The following MID2 variants were observed in gnomAD, a reference collection of about 807,000 sequenced individuals.
The protein encoded by MID2 is midline 2, also known as probable E3 ubiquitin-protein ligase MID2.
In MID2, 13 loss-of-function variants were observed where a neutral mutation model predicts 46.1. The ratio of observed to expected loss-of-function variants is 0.28; its 90% CI spans 0.18 to 0.45. The LOEUF (loss-of-function observed/expected upper bound fraction) is 0.45, where lower values mean the gene tolerates loss of function less well. Ranked by LOEUF, MID2 falls within the 20% of genes least tolerant of loss-of-function variation. The probability of loss-of-function intolerance (pLI) is 1.00; values close to 1 mark genes in which losing one functional copy is unlikely to be tolerated. For synonymous variants in MID2, 199 were observed against 212.3 expected (o/e 0.94, Z 0.55); for missense variants, 431 against 575.4 (o/e 0.75, Z 2.57).
Position 107,931,397 on chromosome X carries a change from T to C in MID2, c.*4324T>C, listed in dbSNP as rs1933280076. On this transcript the variant is annotated 3_prime_UTR_variant, in exon 10 of 10. Coordinates refer to ENST00000262843, the MANE Select transcript of MID2 (RefSeq NM_012216.4). ...GCCTTTTATGGTGTAGTCTGCCAGCTTCAGACATATGCTGTATTGTTGTTA... is the reference window on the plus strand; with the variant it reads ...GCCTTTTATGGTGTAGTCTGCCAGCCTCAGACATATGCTGTATTGTTGTTA... Among the ~76,000 whole-genome samples, 1 of 112,011 alleles carries C rather than the reference T, an allele frequency of 8.9e-6. No individual in the cohort carries two copies. Among genetic ancestry groups the C allele is most frequent in the Non-Finnish European group, 1.9e-5 (1 of 53,243 alleles).
At position 107,840,708 on chromosome X, in the gene MID2, G is replaced by A. The variant is rs752031166; in HGVS notation, c.43G>A (p.Gly15Arg). Residue 15 changes from glycine (G) to arginine (R), a missense_variant, in exon 2 of 10, where the codon GGA becomes AGA. Transcript: ENST00000262843. ...PASVVLNASG[G>R]LFSLKMETLE... ...CTCCGTGGTTCTTAATGCCTCAGGA[G>A]GACTATTTTCACTAAAGATGGAAAC... 2 of 1,211,329 alleles carry A rather than the reference G, an allele frequency of 1.7e-6. No homozygotes were observed. The highest frequency in any genetic ancestry group is 1.1e-6 in the Non-Finnish European group (1 of 895,215).
intron 3 of MID2, among the ~76,000 whole-genome samples, chrX:107,868,106 T>C (rs896121736): frequency 2.7e-5 from 3 of 111,770 alleles, no homozygotes; most frequent in African/African-American, 9.8e-5. Context: ...TTAAAATGGG[T>C]GAATTTTGTG....
In MID2 at chrX:107,924,389, A is replaced by AC; in HGVS notation, c.1483dup (p.Gln495ProfsTer20). On this transcript the variant is annotated frameshift_variant, in exon 8 of 10. Coordinates refer to ENST00000262843, the MANE Select transcript of MID2 (RefSeq NM_012216.4). LOFTEE classifies it high-confidence loss of function. Reference sequence around the variant, plus strand: ...GCTGGATGATTGTTCCCAACATTAAACAGAACCATTACACAGTGCATGGAC... The same window carrying AC: ...GCTGGATGATTGTTCCCAACATTAAACCAGAACCATTACACAGTGCATGGAC... 8.3e-7 allele frequency: 1 copy of AC among 1,210,304 alleles called. No homozygotes were observed. The highest frequency in any genetic ancestry group is 1.1e-6 in the Non-Finnish European group (1 of 894,172).
chrX:107,914,836 T>A (rs753260170), intron 5 of MID2, among the ~76,000 whole-genome samples: 2 of 112,593 alleles, frequency 1.8e-5, no homozygotes, highest in Middle Eastern at 4.6e-3. Context: ...TGGTTAAGGT[T>A]ATAGAATTTA....
intron 1 of MID2, among the ~76,000 whole-genome samples, chrX:107,836,997 AC>A (rs1460699146): frequency 1.8e-5 from 2 of 111,321 alleles, no homozygotes; most frequent in African/African-American, 6.5e-5. Context: ...GCTATGGGCA[AC>A]CCTTTCCCCA....
intron 5 of MID2, among the ~76,000 whole-genome samples, chrX:107,914,759 C>T (rs1237296702): frequency 1.8e-5 from 2 of 112,209 alleles, no homozygotes; most frequent in East Asian, 2.8e-4. Flanking sequence ...TGATGTGTAG[C>T]GATGGCTAAA....
At chrX:107,925,700 A>G (rs1388489849) in intron 8 of MID2, among the ~76,000 whole-genome samples, 2 of 111,570 alleles carry the variant, frequency 1.8e-5, no homozygotes, top group Non-Finnish European at 3.8e-5. Context: ...AATTAAGCAA[A>G]GTACAAAACA....
intron 3 of MID2, among the ~76,000 whole-genome samples, chrX:107,854,913 T>TG (rs1355532028): frequency 9.0e-6 from 1 of 111,315 alleles, no homozygotes; most frequent in Non-Finnish European, 1.9e-5. Context: ...TGATGGACAG[T>TG]GGGGGGATAA....
intron 3 of MID2, among the ~76,000 whole-genome samples, chrX:107,865,525 G>C (rs768761208): frequency 9.0e-6 from 1 of 111,560 alleles, no homozygotes; most frequent in South Asian, 3.8e-4. Flanking sequence ...GTTTAAACTG[G>C]GTCATGAGGA....
chrX:107,838,983 C>T (rs1285823041), intron 1 of MID2, among the ~76,000 whole-genome samples: 3 of 110,644 alleles, frequency 2.7e-5, no homozygotes, highest in Non-Finnish European at 5.7e-5. Context: ...TGGTGGCATA[C>T]CCCTGGAGTT....
intron 3 of MID2, among the ~76,000 whole-genome samples, chrX:107,879,038 G>C (rs1203369390): frequency 9.0e-6 from 1 of 111,050 alleles, no homozygotes; most frequent in Non-Finnish European, 1.9e-5. Context: ...GCAGGTGCAG[G>C]AACCAGGGCG....
intron 3 of MID2, among the ~76,000 whole-genome samples, chrX:107,858,683 C>T (rs2147836320): frequency 8.9e-6 from 1 of 112,521 alleles, no homozygotes; most frequent in East Asian, 2.8e-4. Flanking sequence ...GAGCAGCATG[C>T]AGTGCAGAAA....
intron 1 of MID2, among the ~76,000 whole-genome samples, chrX:107,833,547 T>C (rs1265356537): frequency 1.8e-5 from 2 of 109,588 alleles, no homozygotes; most frequent in Non-Finnish European, 3.8e-5. Flanking sequence ...AGGAAGGTAG[T>C]GGGAGCTCAG....
At chrX:107,915,113 A>G (rs191314200) in intron 5 of MID2, among the ~76,000 whole-genome samples, 1 of 112,323 alleles carries the variant, frequency 8.9e-6, no homozygotes, top group East Asian at 2.8e-4. Context: ...TTTTTTCACT[A>G]TGTGTCAAAT....
chrX:107,896,740 A>T (rs748096716), intron 3 of MID2, among the ~76,000 whole-genome samples: 34 of 111,585 alleles, frequency 3.0e-4, no homozygotes, highest in Non-Finnish European at 6.2e-4. Flanking sequence ...AACTCTAGAG[A>T]TTGTGATTGT....
At chrX:107,836,879 A>G (rs759035195) in intron 1 of MID2, among the ~76,000 whole-genome samples, 4 of 112,192 alleles carry the variant, frequency 3.6e-5, no homozygotes, top group Non-Finnish European at 7.5e-5. Context: ...AGAGGCAGTA[A>G]CTATCTTAAA....
chrX:107,901,204 T>G (rs1480450234), intron 3 of MID2: 3 of 111,667 alleles, frequency 2.7e-5, no homozygotes, highest in Non-Finnish European at 5.7e-5. Flanking sequence ...CTGTAACTAT[T>G]TGCGATCAGT....
At position 107,833,425 on chromosome X, in the gene MID2, A is replaced by T. The variant is rs762565047; in HGVS notation, c.4+6995A>T. On this transcript the variant is annotated intron_variant, in intron 1 of 9. Transcript: ENST00000262843. ...GAATGTTTATTTTATATATATATAT[A>T]TATATTTTTTTTAAAAACCTACAGC... 9.3e-3 allele frequency among the ~76,000 whole-genome samples: 950 copies of T among 102,047 alleles called. 6 individuals are homozygous for T. The highest frequency in any genetic ancestry group is 0.025 in the Middle Eastern group (5 of 203). The allele number at this position is 102,047 out of a possible 115,157, so 88.6% of individuals were successfully genotyped here.
intron 7 of MID2, among the ~76,000 whole-genome samples, chrX:107,919,467 A>G (rs1933029087): frequency 8.9e-6 from 1 of 111,908 alleles, no homozygotes; most frequent in East Asian, 2.8e-4. Flanking sequence ...CTCACTAACA[A>G]ACCTAATCCA....
Sources: gnomAD v4.1 joint callset for allele counts (sites outside exome capture counted in the v4.1 genomes callset) on GRCh38, gnomAD v4.1.1 for gene constraint, MANE v1.5 for transcripts, NCBI Gene and HGNC (gene_info 2026-07-23, HGNC 2026-07-21) for gene names.